Variants in DCC observed in about 807,000 individuals in gnomAD.
DCC encodes the protein netrin receptor DCC.
DCC carries 58 observed loss-of-function variants against 172.5 expected under a neutral mutation model. The observed-to-expected ratio is 0.34, with a 90% confidence interval of 0.27 to 0.42. The LOEUF is 0.42. Ranked by LOEUF, DCC falls within the 10% of genes least tolerant of loss-of-function variation. DCC has a pLI of 1.00. For synonymous variants in DCC, 709 were observed against 644.5 expected (o/e 1.10, Z -1.52); for missense variants, 1,740 against 1,791.0 (o/e 0.97, Z 0.51).
intron 2 of DCC, among the ~76,000 whole-genome samples, chr18:52,880,531 T>C (rs1021077496): frequency 2.0e-5 from 3 of 152,206 alleles, no homozygotes; most frequent in Admixed American, 1.3e-4. Context: ...TCCCAGCCTC[T>C]GGTAACCATC....
At position 52,615,006 on chromosome 18, in the gene DCC, A is replaced by T. The variant is rs192652345; in HGVS notation, c.92-137048A>T. On this transcript the variant is annotated intron_variant, in intron 1 of 28. Coordinates refer to ENST00000442544, the MANE Select transcript of DCC (RefSeq NM_005215.4). ...AAATGAAAGAAAGGGAAATATATAT[A>T]TTTTTTCCTTTTAGCAGAAAATGTC... Among the ~76,000 whole-genome samples the T allele has an allele frequency of 1.8e-3, 278 of 152,074 alleles. 2 individuals are homozygous for T. Among genetic ancestry groups the T allele is most frequent in the African/African-American group, 6.1e-3 (252 of 41,456 alleles).
chr18:53,330,544 T>C (rs1176877981), intron 14 of DCC, among the ~76,000 whole-genome samples: 1 of 152,146 alleles, frequency 6.6e-6, no homozygotes, highest in Non-Finnish European at 1.5e-5. Context: ...CTAGACCCCA[T>C]AGTGTTGTCA....
intron 5 of DCC, among the ~76,000 whole-genome samples, chr18:52,999,120 C>T (rs2041527036): frequency 6.6e-6 from 1 of 151,996 alleles, no homozygotes; most frequent in Non-Finnish European, 1.5e-5. Flanking sequence ...CTTTTTAAAC[C>T]ACTTCTGCTT....
chr18:52,884,125 T>A (rs1466462077), intron 2 of DCC, among the ~76,000 whole-genome samples: 1 of 152,130 alleles, frequency 6.6e-6, no homozygotes, highest in African/African-American at 2.4e-5. Flanking sequence ...ACTGCTTTTA[T>A]GATCCTTTCT....
At chr18:53,217,305 GTA>G (rs1389089871) in intron 12 of DCC, among the ~76,000 whole-genome samples, 7 of 93,848 alleles carry the variant, frequency 7.5e-5, no homozygotes, top group African/African-American at 3.6e-4. Context: ...ACACACATAT[GTA>G]TATACACACA....
At chr18:53,401,899 TACA>T (rs879603843) in intron 18 of DCC, among the ~76,000 whole-genome samples, 4 of 152,218 alleles carry the variant, frequency 2.6e-5, no homozygotes, top group Non-Finnish European at 5.9e-5. Context: ...TTGTTTTGAG[TACA>T]ACATGTGGGA....
At chr18:52,910,415 G>A (rs967862472) in intron 3 of DCC, among the ~76,000 whole-genome samples, 3 of 152,044 alleles carry the variant, frequency 2.0e-5, no homozygotes, top group Non-Finnish European at 2.9e-5. Flanking sequence ...TTCATTTGTT[G>A]ATTAATGTTT....
At chr18:53,489,916 G>GCAT (rs79182351) in intron 26 of DCC, among the ~76,000 whole-genome samples, 8,036 of 152,204 alleles carry the variant, frequency 0.053, 615 homozygotes, top group African/African-American at 0.17. Context: ...CAGTTTAGCT[G>GCAT]CATTGTATTT....
At chr18:53,245,053 G>A (rs1568388071) in intron 12 of DCC, among the ~76,000 whole-genome samples, 1 of 152,030 alleles carries the variant, frequency 6.6e-6, no homozygotes, top group African/African-American at 2.4e-5. Flanking sequence ...TCAGTTTCAT[G>A]AGAAAATGTA....
intron 15 of DCC, among the ~76,000 whole-genome samples, chr18:53,349,814 G>T (rs886584231): frequency 1.3e-5 from 2 of 152,156 alleles, no homozygotes; most frequent in Admixed American, 6.5e-5. Flanking sequence ...CACAAACCAG[G>T]TTCCTCCCAT....
intron 1 of DCC, among the ~76,000 whole-genome samples, chr18:52,703,348 T>C (rs375483645): frequency 3.3e-5 from 5 of 152,186 alleles, no homozygotes; most frequent in African/African-American, 1.2e-4. Context: ...ATGCCTTCAT[T>C]GTCCTTCTGA....
chr18:53,473,153 T>C (rs963429737), intron 25 of DCC, among the ~76,000 whole-genome samples: 1 of 152,210 alleles, frequency 6.6e-6, no homozygotes, highest in Non-Finnish European at 1.5e-5. Context: ...TTTATATGTT[T>C]GAATAACATG....
chr18:52,412,335 G>T (rs1598797532), intron 1 of DCC, among the ~76,000 whole-genome samples: 2 of 152,108 alleles, frequency 1.3e-5, no homozygotes, highest in East Asian at 3.9e-4. Context: ...TTACACGGAG[G>T]ATATGAGGTA....
At chr18:53,048,095 A>C (rs1378752035) in intron 5 of DCC, among the ~76,000 whole-genome samples, 1 of 151,846 alleles carries the variant, frequency 6.6e-6, no homozygotes, top group Non-Finnish European at 1.5e-5. Flanking sequence ...ATGTTTTGAG[A>C]ATACTGAGTC....
At chr18:53,206,246 T>C (rs1239347212) in intron 10 of DCC, among the ~76,000 whole-genome samples, 2 of 132,958 alleles carry the variant, frequency 1.5e-5, no homozygotes, top group South Asian at 2.3e-4. Context: ...TTATACATAA[T>C]ACATATATAC....
chr18:53,506,215 A>G, intron 27 of DCC, among the ~76,000 whole-genome samples: 1 of 152,184 alleles, frequency 6.6e-6, no homozygotes, highest in African/African-American at 2.4e-5. Flanking sequence ...GTCAGAATAT[A>G]ATAAAATAAT....
intron 2 of DCC, among the ~76,000 whole-genome samples, chr18:52,859,853 C>G (rs191367287): frequency 1.0e-3 from 156 of 152,114 alleles, no homozygotes; most frequent in African/African-American, 3.1e-3. Flanking sequence ...CATAAAAAGG[C>G]AAATTGGTAG....
chr18:53,421,716 CT>C (rs1910652228), intron 21 of DCC, among the ~76,000 whole-genome samples: 1 of 152,214 alleles, frequency 6.6e-6, no homozygotes, highest in African/African-American at 2.4e-5. Context: ...GACTTAACAT[CT>C]CTCAACATCC....
chr18:52,411,960 T>C (rs1986858889), intron 1 of DCC, among the ~76,000 whole-genome samples: 1 of 152,128 alleles, frequency 6.6e-6, no homozygotes, highest in Admixed American at 6.6e-5. Flanking sequence ...CTCATTAGCT[T>C]GGAATTCCCT....
Sources: allele counts gnomAD v4.1 joint callset (sites outside exome capture counted in the v4.1 genomes callset), GRCh38; gene constraint gnomAD v4.1.1; transcripts MANE v1.5; gene names NCBI Gene and HGNC (gene_info 2026-07-23, HGNC 2026-07-21).